The following TRIM56 variants were observed in gnomAD, a reference collection of about 807,000 sequenced individuals.
TRIM56 encodes E3 ubiquitin-protein ligase TRIM56.
A neutral mutation model predicts 17.1 loss-of-function variants in TRIM56; 10 were observed. The ratio of observed to expected loss-of-function variants is 0.58; its 90% CI spans 0.36 to 0.99. The LOEUF is 0.99. TRIM56 is among the 50% of genes least tolerant of loss of function. TRIM56 has a pLI of 0.01. For synonymous variants in TRIM56, 503 were observed against 473.5 expected, an observed-to-expected ratio of 1.06 and a Z score of -0.81; for missense variants, 923 against 1,052.3, an observed-to-expected ratio of 0.88 and a Z score of 1.70.
chr7:101,089,142 C>T lies in TRIM56; in HGVS notation c.1830C>T (p.His610=), dbSNP rs545033733. The T allele has an allele frequency of 8.3e-5, 133 of 1,608,924 alleles. No homozygotes were observed. Among genetic ancestry groups the T allele is most frequent in the South Asian group, 7.1e-4 (65 of 90,976 alleles). ...GDRVAVSVAG[H]VEVYNMEGSL... is the part of the protein sequence containing the mutation. ...GCGTGGCTGTCAGCGTGGCGGGCCA[C>T]GTGGAGGTGTACAATATGGAAGGCA... Residue 610 remains histidine, a synonymous_variant, in exon 3 of 3, where the codon CAC becomes CAT. Transcript: ENST00000306085.
rs765005019 is a variant in TRIM56 at position 101,088,561 on chromosome 7, C to T, written c.1249C>T (p.Gln417Ter). The T allele has an allele frequency of 6.2e-7, 1 of 1,609,810 alleles. No homozygotes were observed. The highest frequency in any genetic ancestry group is 8.5e-7 in the Non-Finnish European group (1 of 1,176,698). ...GVQPQAGDGA[Q>*]TPKEEKAQTT... Reference sequence around the variant, plus strand: ...CCAGCCCCAGGCTGGAGATGGAGCCCAGACCCCAAAAGAGGAAAAAGCCCA... The same window carrying T: ...CCAGCCCCAGGCTGGAGATGGAGCCTAGACCCCAAAAGAGGAAAAAGCCCA... Residue 417 changes from glutamine to a stop codon, truncating the protein, a stop_gained, in exon 3 of 3, where the codon CAG (glutamine) becomes TAG (stop). Coordinates refer to ENST00000306085, the MANE Select transcript of TRIM56 (RefSeq NM_030961.3). LOFTEE classifies it high-confidence loss of function.
At chr7:101,086,443 C>G (rs1412952940) in intron 1 of TRIM56, among the ~76,000 whole-genome samples, 1 of 151,600 alleles carries the variant, frequency 6.6e-6, no homozygotes, top group Non-Finnish European at 1.5e-5. Context: ...CACCTGTAAT[C>G]ACAGCTACTC....
rs550657819 is a variant in TRIM56, at chr7:101,094,204, G to C, written c.*4624G>C. 6.6e-6 allele frequency: 1 copy of C among 152,288 alleles called. No individual in the cohort carries two copies. Among genetic ancestry groups the C allele is most frequent in the African/African-American group, 2.4e-5 (1 of 41,564 alleles). 9.4% of individuals were successfully genotyped at this position (152,288 alleles called of 1,614,324 possible). ...CTATGAAAACTATTGAGAAGAAATA[G>C]TTACGTGATACAGTCATAATCCTCA... is the stretch of plus-strand genomic sequence containing the variant. On this transcript the variant is annotated 3_prime_UTR_variant, in exon 3 of 3. Transcript: ENST00000306085.
chr7:101,087,869 A>G lies in TRIM56; in HGVS notation c.557A>G (p.Gln186Arg). The G allele has an allele frequency of 2.5e-6, 4 of 1,606,184 alleles. No homozygotes were observed. The highest frequency in any genetic ancestry group is 3.4e-6 in the Non-Finnish European group (4 of 1,178,034). ...CGCTTCCTGTGCCAGCCCTGCTCACAGTTGCTGTGCAGAGAGTGCCGCCTA... is the reference window on the plus strand; with the variant it reads ...CGCTTCCTGTGCCAGCCCTGCTCACGGTTGCTGTGCAGAGAGTGCCGCCTA... ...ALRFLCQPCS[Q>R]LLCRECRLDP... Residue 186 changes from glutamine (Q) to arginine (R), a missense_variant, in exon 3 of 3, where the codon CAG (glutamine) becomes CGG (arginine). Coordinates refer to ENST00000306085, the MANE Select transcript of TRIM56 (RefSeq NM_030961.3).
chr7:101,087,602 G>C lies in TRIM56; in HGVS notation c.290G>C (p.Gly97Ala), dbSNP rs370250605. ...CGGGCCTGTGGAGACCTGCGTGCCG[G>C]GAAGCCAGCCTGTGCCCTGTGTCCC... ...KARACGDLRA[G>A]KPACALCPLV... is the part of the protein sequence containing the mutation. The change falls in exon 3 of 3, where the codon GGG (glycine) becomes GCG (alanine). Residue 97 changes from glycine to alanine, a missense_variant. Physicochemically the swap from Gly to Ala is moderately conservative, Grantham distance 60. This residue lies in a region of TRIM56 where 98 missense variants were observed against 143.6 expected (regional missense o/e 0.68). Coordinates refer to ENST00000306085, the MANE Select transcript of TRIM56 (RefSeq NM_030961.3). 13 of 1,612,248 alleles carry C rather than the reference G, an allele frequency of 8.1e-6. No individual in the cohort carries two copies. Among genetic ancestry groups the C allele is most frequent in the African/African-American group, 1.3e-5 (1 of 74,896 alleles).
rs1257883021 is a variant in TRIM56 at position 101,094,899 on chromosome 7, T to C, written c.*5319T>C. ...GAGCCAGCACTGTGATACCTCATAG[T>C]AGGTGCTCAGTGAATGTCTGTGAAG... is the stretch of plus-strand genomic sequence containing the variant. On this transcript the variant is annotated 3_prime_UTR_variant, in exon 3 of 3. Transcript: ENST00000306085. 1 of 151,904 alleles carries C rather than the reference T, an allele frequency of 6.6e-6. No homozygotes were observed. Among genetic ancestry groups the C allele is most frequent in the African/African-American group, 2.4e-5 (1 of 41,358 alleles). 9.4% of individuals were successfully genotyped at this position (151,904 alleles called of 1,614,324 possible).
chr7:101,088,987 C>A lies in TRIM56; in HGVS notation c.1675C>A (p.Gln559Lys), dbSNP rs370543073. 3 of 1,610,496 alleles carry A rather than the reference C, an allele frequency of 1.9e-6. No individual in the cohort carries two copies. The highest frequency in any genetic ancestry group is 2.7e-5 in the African/African-American group (2 of 74,950). ...CTCCCCTTGCAGCGTGGCCGCCCTG[C>A]AGAGCGCGGTGGCCTTCTCCGCTAG... ...GCSPCSVAAL[Q>K]SAVAFSASAR... Residue 559 changes from glutamine (Q) to lysine (K), a missense_variant, in exon 3 of 3, where the codon CAG (glutamine) becomes AAG (lysine). By Grantham distance (53) the Gln-to-Lys change is moderately conservative. Around this residue, in one of 3 missense-constraint regions of TRIM56, gnomAD observed 643 missense variants for 665.6 expected, o/e 0.97. Coordinates refer to ENST00000306085, the MANE Select transcript of TRIM56 (RefSeq NM_030961.3).
rs528598191 is a variant in TRIM56 at position 101,088,045 on chromosome 7, C to G, written c.733C>G (p.Arg245Gly). ...RVEKEALARL[R>G]EQAARVGTQV... Reference sequence around the variant, plus strand: ...GGAGAAGGAGGCGCTAGCCCGGCTGCGGGAGCAGGCGGCCCGGGTGGGGAC... The same window carrying G: ...GGAGAAGGAGGCGCTAGCCCGGCTGGGGGAGCAGGCGGCCCGGGTGGGGAC... The change falls in exon 3 of 3, where the codon CGG (arginine) becomes GGG (glycine). Residue 245 changes from arginine (R) to glycine (G), a missense_variant. By Grantham distance (125) the Arg-to-Gly change is moderately radical. Coordinates refer to ENST00000306085, the MANE Select transcript of TRIM56 (RefSeq NM_030961.3). 2 of 1,536,082 alleles carry G rather than the reference C, an allele frequency of 1.3e-6. No individual in the cohort carries two copies. The highest frequency in any genetic ancestry group is 2.7e-5 in the African/African-American group (2 of 73,584).
Position 101,087,809 on chromosome 7 carries a change from C to A in TRIM56, c.497C>A (p.Ala166Glu). ...GATGAGGAGGCCCGGGAGCGCCAAGCGGCCCAGTGTCCCCAGCACCCCGGG... is the reference window on the plus strand; with the variant it reads ...GATGAGGAGGCCCGGGAGCGCCAAGAGGCCCAGTGTCCCCAGCACCCCGGG... ...WYDEEARERQ[A>E]AQCPQHPGEA... The change falls in exon 3 of 3, where the codon GCG (alanine) becomes GAG (glutamate). Residue 166 changes from alanine to glutamate, a missense_variant. Around this residue, in one of 3 missense-constraint regions of TRIM56, gnomAD observed 643 missense variants for 665.6 expected, o/e 0.97. Transcript: ENST00000306085. 1 of 1,605,544 alleles carries A rather than the reference C, an allele frequency of 6.2e-7. No homozygotes were observed. The highest frequency in any genetic ancestry group is 1.1e-5 in the South Asian group (1 of 90,536).
Position 101,090,683 on chromosome 7 carries a change from TTAAAA to T in TRIM56, c.*1108_*1112del, listed in dbSNP as rs1460671270. On this transcript the variant is annotated 3_prime_UTR_variant, in exon 3 of 3. Coordinates refer to ENST00000306085, the MANE Select transcript of TRIM56 (RefSeq NM_030961.3). ...ATCACTTCTCAGCTAAGATCAAGTG[TTAAAA>T]TAAATAAATAAATAAATAAATAAAT... is the stretch of plus-strand genomic sequence containing the variant. 2.1e-5 allele frequency: 2 copies of T among 95,926 alleles called. No individual in the cohort carries two copies. The highest frequency in any genetic ancestry group is 8.6e-5 in the African/African-American group (2 of 23,348). 5.9% of individuals were successfully genotyped at this position (95,926 alleles called of 1,614,324 possible).
intron 2 of TRIM56, 62 bp downstream of exon 2, chr7:101,087,230 G>A: frequency 7.5e-7 from 1 of 1,336,712 alleles, no homozygotes; most frequent in African/African-American, 1.4e-5. Context: ...GATCCGTGGG[G>A]CTTGAGGACG....
In TRIM56 at chr7:101,094,867, G is replaced by C. The variant is rs1054602788; in HGVS notation, c.*5287G>C. 2.0e-5 allele frequency: 3 copies of C among 152,108 alleles called. No individual in the cohort carries two copies. The highest frequency in any genetic ancestry group is 7.3e-5 in the African/African-American group (3 of 41,372). 9.4% of individuals were successfully genotyped at this position (152,108 alleles called of 1,614,324 possible). On this transcript the variant is annotated 3_prime_UTR_variant, in exon 3 of 3. Coordinates refer to ENST00000306085, the MANE Select transcript of TRIM56 (RefSeq NM_030961.3). ...CGGTGTCTGTCTTCATTGCAGCTCT[G>C]TCTGCAGAGCCAGCACTGTGATACC...
rs373471637 is a variant in TRIM56, at chr7:101,097,801, A to C, written c.*8221A>C. On this transcript the variant is annotated 3_prime_UTR_variant, in exon 3 of 3. Coordinates refer to ENST00000306085, the MANE Select transcript of TRIM56 (RefSeq NM_030961.3). ...GCCCAGCCCATTTCTCTACATTGCCATGGGCTAAACCCAGTGTGCTGTAAA... is the reference window on the plus strand; with the variant it reads ...GCCCAGCCCATTTCTCTACATTGCCCTGGGCTAAACCCAGTGTGCTGTAAA... 4 of 152,208 alleles carry C rather than the reference A, an allele frequency of 2.6e-5. No homozygotes were observed. The highest frequency in any genetic ancestry group is 4.8e-5 in the African/African-American group (2 of 41,440). The allele number at this position is 152,208 out of a possible 1,614,324, so 9.4% of individuals were successfully genotyped here. A position where few individuals can be genotyped will look rare whatever the true frequency, so the allele number is the denominator to read the frequency against.
At position 101,095,201 on chromosome 7, in the gene TRIM56, C is replaced by T. The variant is rs1795637227; in HGVS notation, c.*5621C>T. On this transcript the variant is annotated 3_prime_UTR_variant, in exon 3 of 3. Coordinates refer to ENST00000306085, the MANE Select transcript of TRIM56 (RefSeq NM_030961.3). ...CTAGGCTGGGCAACATAGCAAGACC[C>T]CATCTCTACAAAAAAATTTTTAAAT... The T allele has an allele frequency of 2.0e-5, 3 of 152,330 alleles. No homozygotes were observed. The highest frequency in any genetic ancestry group is 4.4e-5 in the Non-Finnish European group (3 of 68,252). The allele number at this position is 152,330 out of a possible 1,614,324, so 9.4% of individuals were successfully genotyped here.
Position 101,091,112 on chromosome 7 carries a change from T to G in TRIM56, c.*1532T>G, listed in dbSNP as rs1795557407. 1 of 152,224 alleles carries G rather than the reference T, an allele frequency of 6.6e-6. No homozygotes were observed. Among genetic ancestry groups the G allele is most frequent in the South Asian group, 2.1e-4 (1 of 4,814 alleles). 9.4% of individuals were successfully genotyped at this position (152,224 alleles called of 1,614,324 possible). A position where few individuals can be genotyped will look rare whatever the true frequency, so the allele number is the denominator to read the frequency against. ...GGAGGTGGGCTGTGACCACCGGACC[T>G]TTTCATAAGTGGTGGCAGTGGTAGA... On this transcript the variant is annotated 3_prime_UTR_variant, in exon 3 of 3. Coordinates refer to ENST00000306085, the MANE Select transcript of TRIM56 (RefSeq NM_030961.3).
chr7:101,087,631 G>A lies in TRIM56; in HGVS notation c.319G>A (p.Val107Met), dbSNP rs1424832712. 3 of 1,611,322 alleles carry A rather than the reference G, an allele frequency of 1.9e-6. No individual in the cohort carries two copies. The East Asian group carries it at 6.7e-5, about 36-fold the overall frequency. Residue 107 changes from valine to methionine, a missense_variant, in exon 3 of 3, where the codon GTG becomes ATG. By Grantham distance (21) the Val-to-Met change is conservative. This residue lies in a region of TRIM56 where 643 missense variants were observed against 665.6 expected (regional missense o/e 0.97). Transcript: ENST00000306085. Reference protein sequence around the residue: ...GKPACALCPLVGGTSTGGPAT... With the variant: ...GKPACALCPLMGGTSTGGPAT... ...GCCAGCCTGTGCCCTGTGTCCCCTGGTGGGTGGCACCAGCACCGGGGGGCC... is the reference window on the plus strand; with the variant it reads ...GCCAGCCTGTGCCCTGTGTCCCCTGATGGGTGGCACCAGCACCGGGGGGCC...
chr7:101,095,066 C>T lies in TRIM56; in HGVS notation c.*5486C>T, dbSNP rs112242263. Reference sequence around the variant, plus strand: ...TGCCTCCCAAGGCTGGGCTCCGCGTCAAAAAAAAAAAAAAAAAATGAGACT... The same window carrying T: ...TGCCTCCCAAGGCTGGGCTCCGCGTTAAAAAAAAAAAAAAAAAATGAGACT... On this transcript the variant is annotated 3_prime_UTR_variant, in exon 3 of 3. Coordinates refer to ENST00000306085, the MANE Select transcript of TRIM56 (RefSeq NM_030961.3). 1 of 123,622 alleles carries T rather than the reference C, an allele frequency of 8.1e-6. No individual in the cohort carries two copies. The highest frequency in any genetic ancestry group is 1.7e-5 in the Non-Finnish European group (1 of 60,328). The allele number at this position is 123,622 out of a possible 1,614,324, so 7.7% of individuals were successfully genotyped here. A position where few individuals can be genotyped will look rare whatever the true frequency, so the allele number is the denominator to read the frequency against.
At position 101,088,372 on chromosome 7, in the gene TRIM56, C is replaced by T; in HGVS notation, c.1060C>T (p.Leu354Phe). The change falls in exon 3 of 3, where the codon CTC becomes TTC. Residue 354 changes from leucine to phenylalanine, a missense_variant. Transcript: ENST00000306085. ...CCCCTGCCTGCTCCCACAGCTGGAG[C>T]TCCATCCTGGGCTCCTGGACAAGAA... ...PAPCLLPQLE[L>F]HPGLLDKNCH... 1 of 1,565,816 alleles carries T rather than the reference C, an allele frequency of 6.4e-7. No individual in the cohort carries two copies. Among genetic ancestry groups the T allele is most frequent in the Admixed American group, 1.9e-5 (1 of 52,878 alleles).
rs1272430243 is a variant in TRIM56 at position 101,091,287 on chromosome 7, A to G, written c.*1707A>G. 6.2e-6 allele frequency: 1 copy of G among 160,328 alleles called. No individual in the cohort carries two copies. Among genetic ancestry groups the G allele is most frequent in the Non-Finnish European group, 1.4e-5 (1 of 72,906 alleles). The allele number at this position is 160,328 out of a possible 1,614,324, so 9.9% of individuals were successfully genotyped here. A position where few individuals can be genotyped will look rare whatever the true frequency, so the allele number is the denominator to read the frequency against. ...CAAGTCCAGATGGAATGTGCAGGGC[A>G]TAGGTAGAGGGAAAAGAAAATCCCT... On this transcript the variant is annotated 3_prime_UTR_variant, in exon 3 of 3. Transcript: ENST00000306085.
Sources: gnomAD v4.1 joint callset for allele counts (sites outside exome capture counted in the v4.1 genomes callset) on GRCh38, gnomAD v4.1.1 for gene constraint, gnomAD v4.1.1 regional missense constraint, MANE v1.5 for transcripts, NCBI Gene and HGNC (gene_info 2026-07-23, HGNC 2026-07-21) for gene names.